The following TRDN variants were observed in gnomAD, a reference collection of about 807,000 sequenced individuals.
TRDN encodes the protein triadin, also known as triadin in skeletal muscle.
A neutral mutation model predicts 149.7 loss-of-function variants in TRDN; 161 were observed. The ratio of observed to expected loss-of-function variants is 1.08; its 90% CI spans 0.95 to 1.23. The LOEUF (loss-of-function observed/expected upper bound fraction) is 1.23, where lower values mean the gene tolerates loss of function less well. TRDN is among the 50% of genes most tolerant of loss of function. The pLI is 0.00. For missense variants in TRDN, 896 were observed against 823.5 expected (o/e 1.09, Z -1.08); for synonymous variants, 294 against 250.5 (o/e 1.17, Z -1.64).
intron 10 of TRDN, among the ~76,000 whole-genome samples, chr6:123,457,856 C>T (rs1355603964): frequency 6.6e-6 from 1 of 152,146 alleles, no homozygotes; most frequent in Non-Finnish European, 1.5e-5. Flanking sequence ...ACAAAATATT[C>T]TAAAGATTCC....
intron 33 of TRDN, among the ~76,000 whole-genome samples, chr6:123,263,864 A>G (rs1011741474): frequency 2.0e-5 from 3 of 152,058 alleles, no homozygotes; most frequent in African/African-American, 7.2e-5. Context: ...CCTGTGTTCT[A>G]TAACTGGAAT....
chr6:123,608,169 T>C (rs1440948730), intron 1 of TRDN, among the ~76,000 whole-genome samples: 1 of 152,166 alleles, frequency 6.6e-6, no homozygotes, highest in Non-Finnish European at 1.5e-5. Context: ...TCAGACAACA[T>C]GGGCTCAATT....
intron 1 of TRDN, among the ~76,000 whole-genome samples, chr6:123,610,351 C>T (rs145014432): frequency 7.9e-4 from 121 of 152,280 alleles, no homozygotes; most frequent in African/African-American, 2.8e-3. Context: ...TCTATTGCTT[C>T]CTGATGCTTG....
intron 19 of TRDN, among the ~76,000 whole-genome samples, chr6:123,373,731 C>A (rs1233832924): frequency 6.6e-6 from 1 of 152,110 alleles, no homozygotes; most frequent in Non-Finnish European, 1.5e-5. Context: ...CACATAAATA[C>A]ATAGTTTATG....
chr6:123,411,596 G>A (rs1043775331), intron 12 of TRDN: 3 of 152,558 alleles, frequency 2.0e-5, no homozygotes, highest in African/African-American at 7.2e-5. Flanking sequence ...GGGAACCTGG[G>A]AAAGGGCAGT....
chr6:123,578,346 C>A (rs1171433247), intron 1 of TRDN, among the ~76,000 whole-genome samples: 1 of 152,142 alleles, frequency 6.6e-6, no homozygotes, highest in African/African-American at 2.4e-5. Flanking sequence ...CAATCTTCTG[C>A]ATATGGCTAG....
intron 24 of TRDN, among the ~76,000 whole-genome samples, chr6:123,297,060 A>T (rs1778229969): frequency 6.6e-6 from 1 of 152,082 alleles, no homozygotes; most frequent in African/African-American, 2.4e-5. Flanking sequence ...TTTAAACAAG[A>T]TTATCTGTAA....
Position 123,279,061 on chromosome 6 carries a change from G to A in TRDN, c.1532C>T (p.Pro511Leu), listed in dbSNP as rs746348689. Reference protein sequence around the residue: ...SKAGKEVKPKPPQLQGKKEEK... With the variant: ...SKAGKEVKPKLPQLQGKKEEK... Reference sequence around the variant, plus strand: ...TGAGCATGCATATAACATACGTGGAGGTTTAGGCTTGACTTCTTTGCCTAG... The same window carrying A: ...TGAGCATGCATATAACATACGTGGAAGTTTAGGCTTGACTTCTTTGCCTAG... Residue 511 changes from proline to leucine, a missense_variant, in exon 25 of 41, where the codon CCT becomes CTT. Pro to Leu is a moderately conservative substitution (Grantham distance 98, BLOSUM62 -3). Transcript: ENST00000334268. 1.2e-6 allele frequency: 2 copies of A among 1,607,948 alleles called. No homozygotes were observed. The highest frequency in any genetic ancestry group is 1.3e-5 in the African/African-American group (1 of 74,762).
intron 23 of TRDN, among the ~76,000 whole-genome samples, chr6:123,327,622 T>C (rs957590832): frequency 4.6e-5 from 7 of 152,090 alleles, no homozygotes; most frequent in African/African-American, 1.7e-4. Flanking sequence ...ACGAATAAAT[T>C]TTTGAATTAT....
At chr6:123,257,564 A>T (rs1038309752) in intron 35 of TRDN, among the ~76,000 whole-genome samples, 1 of 152,074 alleles carries the variant, frequency 6.6e-6, no homozygotes, top group Non-Finnish European at 1.5e-5. Context: ...TATAGTTTGG[A>T]GTCAGGTAGT....
At chr6:123,598,404 C>CA (rs1038054258) in intron 1 of TRDN, among the ~76,000 whole-genome samples, 4 of 151,664 alleles carry the variant, frequency 2.6e-5, no homozygotes, top group African/African-American at 7.3e-5. Context: ...CTCAACATTA[C>CA]AAAAAAAACA....
intron 10 of TRDN, among the ~76,000 whole-genome samples, chr6:123,454,234 T>G (rs1775969233): frequency 6.6e-6 from 1 of 151,930 alleles, no homozygotes. Context: ...ACTAAAAAAT[T>G]TACTCATGTA....
chr6:123,535,206 A>T (rs1389552002), intron 4 of TRDN, among the ~76,000 whole-genome samples: 5 of 152,182 alleles, frequency 3.3e-5, no homozygotes, highest in African/African-American at 1.2e-4. Flanking sequence ...ATGTGTTAGG[A>T]GGCAACAAAG....
intron 23 of TRDN, among the ~76,000 whole-genome samples, chr6:123,326,657 TTTGAA>T (rs1219535725): frequency 1.3e-5 from 2 of 151,950 alleles, no homozygotes; most frequent in Non-Finnish European, 2.9e-5. Flanking sequence ...CTATCATCTA[TTTGAA>T]TTGAACTGTG....
intron 24 of TRDN, among the ~76,000 whole-genome samples, chr6:123,295,656 C>CAT (rs572015978): frequency 3.9e-5 from 6 of 152,168 alleles, no homozygotes; most frequent in Admixed American, 1.3e-4. Flanking sequence ...CATTGTACCT[C>CAT]ATATATATAC....
chr6:123,455,727 ATG>A (rs1776080508), intron 10 of TRDN, among the ~76,000 whole-genome samples: 2 of 152,310 alleles, frequency 1.3e-5, no homozygotes, highest in South Asian at 4.1e-4. Context: ...CTTACTCAAG[ATG>A]TTTTATTGTA....
chr6:123,570,955 A>T lies in TRDN; in HGVS notation c.200T>A (p.Met67Lys). The T allele has an allele frequency of 6.2e-7, 1 of 1,613,990 alleles. No homozygotes were observed. Among genetic ancestry groups the T allele is most frequent in the Non-Finnish European group, 8.5e-7 (1 of 1,179,870 alleles). ...GTTTTTGTAATCCACTAAATCAAAC[A>T]TAACGATGGCAACAGCTGACCACGT... ...IITWSAVAIV[M>K]FDLVDYKNFS... Residue 67 changes from methionine to lysine, a missense_variant, in exon 2 of 41, where the codon ATG (methionine) becomes AAG (lysine). Physicochemically the swap from Met to Lys is moderately conservative, Grantham distance 95. Coordinates refer to ENST00000334268, the MANE Select transcript of TRDN (RefSeq NM_006073.4).
chr6:123,562,293 C>T (rs1209246926), intron 2 of TRDN, among the ~76,000 whole-genome samples: 1 of 152,216 alleles, frequency 6.6e-6, no homozygotes, highest in Admixed American at 6.5e-5. Flanking sequence ...GTGAAATAAA[C>T]AGCCTTGTTG....
At chr6:123,551,220 ATATT>A (rs1562382019) in intron 2 of TRDN, among the ~76,000 whole-genome samples, 1 of 129,182 alleles carries the variant, frequency 7.7e-6, no homozygotes, top group African/African-American at 2.9e-5. Context: ...ATATATATAT[ATATT>A]GCCTGGTTCT....
Sources: allele counts gnomAD v4.1 joint callset (sites outside exome capture counted in the v4.1 genomes callset), GRCh38; gene constraint gnomAD v4.1.1; transcripts MANE v1.5; gene names NCBI Gene and HGNC (gene_info 2026-07-23, HGNC 2026-07-21).